FSTL4: variants seen among roughly 807,000 people sequenced by gnomAD.
FSTL4 encodes the protein follistatin like 4, also known as follistatin-related protein 4.
FSTL4 carries 28 observed loss-of-function variants against 78.2 expected under a neutral mutation model. The observed-to-expected ratio is 0.36, with a 90% CI of 0.27 to 0.49. The LOEUF (loss-of-function observed/expected upper bound fraction) is 0.49. Among genes scored for constraint, FSTL4 ranks in the 20% least tolerant of loss-of-function variants. The pLI, the probability that FSTL4 is intolerant of heterozygous loss-of-function variation, is 0.98. For synonymous variants in FSTL4, 422 were observed against 440.5 expected, an observed-to-expected ratio of 0.96 and a Z score of 0.53; for missense variants, 922 against 1,084.9, an observed-to-expected ratio of 0.85 and a Z score of 2.11.
chr5:133,467,018 A>T (rs916617094), intron 3 of FSTL4, among the ~76,000 whole-genome samples: 2 of 151,516 alleles, frequency 1.3e-5, no homozygotes, highest in East Asian at 3.9e-4. Context: ...GTGTGTGAGC[A>T]TGTGTGAGTG....
intron 14 of FSTL4, among the ~76,000 whole-genome samples, chr5:133,205,471 G>A (rs1750468724): frequency 6.6e-6 from 1 of 151,776 alleles, no homozygotes; most frequent in Admixed American, 6.6e-5. Context: ...AATTATCCTT[G>A]CATAATATTC....
chr5:133,245,842 A>G (rs1335951131), intron 7 of FSTL4, among the ~76,000 whole-genome samples: 1 of 152,180 alleles, frequency 6.6e-6, no homozygotes, highest in Non-Finnish European at 1.5e-5. Context: ...TTTCTGATCA[A>G]ATATTATTCT....
chr5:133,372,287 A>ATCTAT (rs1472079686), intron 4 of FSTL4, among the ~76,000 whole-genome samples: 7 of 151,892 alleles, frequency 4.6e-5, no homozygotes, highest in Admixed American at 1.3e-4. Context: ...CTATCTATCT[A>ATCTAT]TTTTTTAAAA....
At chr5:133,556,860 G>T (rs1759798733) in intron 3 of FSTL4, among the ~76,000 whole-genome samples, 1 of 152,200 alleles carries the variant, frequency 6.6e-6, no homozygotes, top group Non-Finnish European at 1.5e-5. Context: ...CATCATCAAG[G>T]AAAGGACTGA....
rs934476600 is a variant in FSTL4 at position 133,250,151 on chromosome 5, T to G, written c.728-575A>C. ...TCCTATGAAAATGCACTGTAGCTTT[T>G]AATTTTTTGAAGAATACTTCAGGCT... On this transcript the variant is annotated intron_variant, in intron 6 of 15. Coordinates refer to ENST00000265342, the MANE Select transcript of FSTL4 (RefSeq NM_015082.2). 2.6e-5 allele frequency among the ~76,000 whole-genome samples: 4 copies of G among 152,262 alleles called. No individual in the cohort carries two copies. The South Asian group carries it at 8.3e-4, about 31-fold the overall frequency.
At chr5:133,262,352 C>T (rs561600215) in intron 6 of FSTL4, among the ~76,000 whole-genome samples, 7 of 152,342 alleles carry the variant, frequency 4.6e-5, no homozygotes, top group African/African-American at 1.2e-4. Context: ...ACAGGCTGCA[C>T]ACTTGAGTGC....
chr5:133,800,114 G>A, the FSTL4 span, among the ~76,000 whole-genome samples: 136,319 of 138,116 alleles, frequency 0.99, 67,600 homozygotes, highest in Middle Eastern at 1. Flanking sequence ...AGGAATTCAG[G>A]TAGCTATCAG....
chr5:133,352,404 A>T (rs1326603144), intron 4 of FSTL4, among the ~76,000 whole-genome samples: 1 of 151,196 alleles, frequency 6.6e-6, no homozygotes, highest in African/African-American at 2.4e-5. Flanking sequence ...ATATATATAC[A>T]CATATATATA....
intron 3 of FSTL4, among the ~76,000 whole-genome samples, chr5:133,517,223 G>C (rs1758871369): frequency 6.6e-6 from 1 of 151,178 alleles, no homozygotes; most frequent in African/African-American, 2.4e-5. Flanking sequence ...AGGAGTTTGA[G>C]ACCAGCCTGG....
At position 133,567,224 on chromosome 5, in the gene FSTL4, A is replaced by G. The variant is rs772299497; in HGVS notation, c.127-5T>C. On this transcript the variant is annotated splice_region_variant and splice_polypyrimidine_tract_variant and intron_variant, in intron 2 of 15. Coordinates refer to ENST00000265342, the MANE Select transcript of FSTL4 (RefSeq NM_015082.2). ...GACTTCAAAGCTTCTGGGCTCCTGC[A>G]AGAAAAGAAAGACTTTGTGTTTTCT... The G allele has an allele frequency of 6.2e-7, 1 of 1,603,814 alleles. No individual in the cohort carries two copies.
intron 3 of FSTL4, among the ~76,000 whole-genome samples, chr5:133,563,513 A>G (rs1277343993): frequency 6.6e-6 from 1 of 152,180 alleles, no homozygotes; most frequent in Non-Finnish European, 1.5e-5. Flanking sequence ...CAGGTTACTC[A>G]AGGGAAAGGG....
chr5:133,214,090 T>C (rs1261023671), intron 13 of FSTL4, among the ~76,000 whole-genome samples: 1 of 152,204 alleles, frequency 6.6e-6, no homozygotes, highest in South Asian at 2.1e-4. Flanking sequence ...TAGTGGAAGA[T>C]GTTAACACAC....
the FSTL4 span, among the ~76,000 whole-genome samples, chr5:133,768,336 T>A: frequency 7.2e-5 from 11 of 152,154 alleles, no homozygotes; most frequent in Non-Finnish European, 1.6e-4. Flanking sequence ...CCACCGGAAG[T>A]GTTGGCAAAA....
chr5:133,408,852 T>TA (rs1380601875), intron 3 of FSTL4, among the ~76,000 whole-genome samples: 1 of 152,124 alleles, frequency 6.6e-6, no homozygotes, highest in African/African-American at 2.4e-5. Context: ...GCTAGGCACT[T>TA]AGTAAGTGCT....
the FSTL4 span, among the ~76,000 whole-genome samples, chr5:133,727,535 A>G: frequency 1.3e-5 from 2 of 152,286 alleles, no homozygotes; most frequent in African/African-American, 4.8e-5. Context: ...ATTGATCAAT[A>G]ATTTCTCCAA....
intron 3 of FSTL4, among the ~76,000 whole-genome samples, chr5:133,466,726 G>A (rs1482029413): frequency 6.6e-6 from 1 of 152,224 alleles, no homozygotes. Flanking sequence ...CTCTCAGGCT[G>A]CTCACAATCT....
the FSTL4 span, among the ~76,000 whole-genome samples, chr5:133,802,847 G>C: frequency 1.3e-5 from 2 of 152,192 alleles, no homozygotes; most frequent in Non-Finnish European, 2.9e-5. Flanking sequence ...AAGAACTACA[G>C]TGCCACATCT....
the FSTL4 span, among the ~76,000 whole-genome samples, chr5:133,776,623 G>A: frequency 1.3e-5 from 2 of 152,170 alleles, no homozygotes; most frequent in African/African-American, 2.4e-5. Context: ...CTGAGGCCTA[G>A]AGGAAGGATA....
At chr5:133,692,569 C>T in the FSTL4 span, among the ~76,000 whole-genome samples, 1 of 152,178 alleles carries the variant, frequency 6.6e-6, no homozygotes, top group Non-Finnish European at 1.5e-5. Context: ...CACGGAGAAC[C>T]CCTTGAATAG....
Sources: gnomAD v4.1 joint callset for allele counts (sites outside exome capture counted in the v4.1 genomes callset) on GRCh38, gnomAD v4.1.1 for gene constraint, MANE v1.5 for transcripts, NCBI Gene and HGNC (gene_info 2026-07-23, HGNC 2026-07-21) for gene names.